Variants in FGD5 observed in about 807,000 individuals in gnomAD.
FGD5 encodes the protein FYVE, RhoGEF and PH domain containing 5.
FGD5 carries 28 observed loss-of-function variants against 133.4 expected under a neutral mutation model. The observed-to-expected ratio is 0.21, with a 90% CI of 0.16 to 0.29. The LOEUF is 0.29. Among genes scored for constraint, FGD5 ranks in the 10% least tolerant of loss-of-function variants. FGD5 has a pLI of 1.00. For missense variants in FGD5, 1,858 were observed against 1,895.2 expected (o/e 0.98, Z 0.36); for synonymous variants, 810 against 776.5 (o/e 1.04, Z -0.72).
In FGD5 at chr3:14,890,243, C is replaced by T. The variant is rs755271573; in HGVS notation, c.2749-7266C>T. Among the ~76,000 whole-genome samples, 11 of 152,316 alleles carry T rather than the reference C, an allele frequency of 7.2e-5. No homozygotes were observed. The South Asian group carries it at 1.2e-3, about 17-fold the overall frequency. On this transcript the variant is annotated intron_variant, in intron 4 of 19. Coordinates refer to ENST00000285046, the MANE Select transcript of FGD5 (RefSeq NM_152536.4). ...ACTGCCTCCTTGGAAGGCTTTCCCACGGCCAAGCCAGGTCTCCCTTCTCTG... is the reference window on the plus strand; with the variant it reads ...ACTGCCTCCTTGGAAGGCTTTCCCATGGCCAAGCCAGGTCTCCCTTCTCTG...
At chr3:14,847,658 C>T (rs1306483892) in intron 1 of FGD5, among the ~76,000 whole-genome samples, 1 of 152,184 alleles carries the variant, frequency 6.6e-6, no homozygotes, top group Admixed American at 6.5e-5. Flanking sequence ...GAAATTGAGG[C>T]ACAGAAAACT....
intron 4 of FGD5, among the ~76,000 whole-genome samples, chr3:14,894,068 T>C (rs561302375): frequency 6.6e-6 from 1 of 152,300 alleles, no homozygotes; most frequent in East Asian, 1.9e-4. Flanking sequence ...TTGTTTCTTT[T>C]ATCACAATGT....
At position 14,897,631 on chromosome 3, in the gene FGD5, A is replaced by G. The variant is rs369709099; in HGVS notation, c.2871A>G (p.Gln957=). The G allele has an allele frequency of 3.4e-5, 54 of 1,606,954 alleles. No individual in the cohort carries two copies. The Admixed American group carries it at 8.1e-4, about 24-fold the overall frequency. Reference sequence around the variant, plus strand: ...TCCCAGCCATCCACGACCTTCATCAAGGCATCCTGGAGGAGCTGGAGGAAA... The same window carrying G: ...TCCCAGCCATCCACGACCTTCATCAGGGCATCCTGGAGGAGCTGGAGGAAA... ...SELPAIHDLH[Q]GILEELEERL... Residue 957 remains glutamine, a synonymous_variant, in exon 5 of 20, where the codon CAA becomes CAG. Coordinates refer to ENST00000285046, the MANE Select transcript of FGD5 (RefSeq NM_152536.4).
At position 14,848,524 on chromosome 3, in the gene FGD5, C is replaced by T. The variant is rs537071785; in HGVS notation, c.2526-15604C>T. ...AAAAGGCCAGGCCAGCCCCATGCAGCCCTGGAACCCATGGGGTACAGGTTA... is the reference window on the plus strand; with the variant it reads ...AAAAGGCCAGGCCAGCCCCATGCAGTCCTGGAACCCATGGGGTACAGGTTA... On this transcript the variant is annotated intron_variant, in intron 1 of 19. Transcript: ENST00000285046. Among the ~76,000 whole-genome samples, 179 of 152,288 alleles carry T rather than the reference C, an allele frequency of 1.2e-3. No individual in the cohort carries two copies. The Middle Eastern group carries it at 0.024, about 20-fold the overall frequency.
At chr3:14,898,383 C>T (rs936442243) in intron 6 of FGD5, among the ~76,000 whole-genome samples, 5 of 152,160 alleles carry the variant, frequency 3.3e-5, no homozygotes, top group Admixed American at 2.6e-4. Flanking sequence ...GAGCCCCAGC[C>T]GTGGAGTGTT....
At chr3:14,889,701 A>G (rs2037989310) in intron 4 of FGD5, among the ~76,000 whole-genome samples, 1 of 152,032 alleles carries the variant, frequency 6.6e-6, no homozygotes, top group Non-Finnish European at 1.5e-5. Context: ...TCTTGCCAAC[A>G]TGTTGGTATT....
At chr3:14,867,843 C>G (rs1413176010) in intron 2 of FGD5, among the ~76,000 whole-genome samples, 2 of 152,214 alleles carry the variant, frequency 1.3e-5, no homozygotes, top group African/African-American at 4.8e-5. Context: ...GCAAGATTTT[C>G]TGTCTCCACC....
At chr3:14,866,181 A>G (rs17040422) in intron 2 of FGD5, among the ~76,000 whole-genome samples, 14,182 of 152,126 alleles carry the variant, frequency 0.093, 830 homozygotes, top group East Asian at 0.3. Flanking sequence ...TCTTCCGGCT[A>G]TGTCACTGCA....
At chr3:14,894,608 T>C (rs1269818878) in intron 4 of FGD5, among the ~76,000 whole-genome samples, 2 of 150,764 alleles carry the variant, frequency 1.3e-5, no homozygotes, top group Non-Finnish European at 3.0e-5. Flanking sequence ...ATTGACCTCC[T>C]GGGCTCAAGC....
intron 1 of FGD5, among the ~76,000 whole-genome samples, chr3:14,857,776 C>T (rs2037312499): frequency 6.6e-6 from 1 of 152,140 alleles, no homozygotes; most frequent in Admixed American, 6.5e-5. Context: ...CTTATTTCGT[C>T]TGTTGCTGTC....
At position 14,820,075 on chromosome 3, in the gene FGD5, T is replaced by A; in HGVS notation, c.1004T>A (p.Met335Lys). 6.2e-7 allele frequency: 1 copy of A among 1,614,040 alleles called. No homozygotes were observed. Among genetic ancestry groups the A allele is most frequent in the South Asian group, 1.1e-5 (1 of 91,086 alleles). Reference sequence around the variant, plus strand: ...ATTGTCCCTTTTGAGAATGACTGCATGGAGGACTTCGTGACTTCCCTCACA... The same window carrying A: ...ATTGTCCCTTTTGAGAATGACTGCAAGGAGGACTTCGTGACTTCCCTCACA... The part of the protein sequence containing the change: ...CQIVPFENDC[M>K]EDFVTSLTGS... Residue 335 changes from methionine to lysine, a missense_variant, in exon 1 of 20, where the codon ATG (methionine) becomes AAG (lysine). This residue lies in a region of FGD5 where 1,824 missense variants were observed against 1,848.9 expected (regional missense o/e 0.99). Transcript: ENST00000285046.
intron 4 of FGD5, among the ~76,000 whole-genome samples, chr3:14,895,797 A>G (rs906308705): frequency 1.1e-4 from 17 of 152,148 alleles, no homozygotes. Flanking sequence ...TCAAACTCCT[A>G]GGTGCAAGTG....
intron 2 of FGD5, among the ~76,000 whole-genome samples, chr3:14,870,296 G>C (rs953997171): frequency 6.6e-6 from 1 of 152,196 alleles, no homozygotes; most frequent in Non-Finnish European, 1.5e-5. Flanking sequence ...GGGAAAGAAG[G>C]GGAGCGGGAG....
upstream of FGD5, among the ~76,000 whole-genome samples, chr3:14,814,274 C>T (rs900227902): frequency 2.6e-5 from 4 of 152,298 alleles, no homozygotes; most frequent in South Asian, 4.1e-4. Context: ...CCTATAGTTT[C>T]GCCCTACCAT....
intron 2 of FGD5, among the ~76,000 whole-genome samples, chr3:14,866,616 T>C (rs1452882085): frequency 6.6e-6 from 1 of 152,214 alleles, no homozygotes; most frequent in African/African-American, 2.4e-5. Flanking sequence ...GTAGTAATAG[T>C]ACCTGCTTCA....
At chr3:14,877,115 C>G (rs1046151825) in intron 2 of FGD5, among the ~76,000 whole-genome samples, 16 of 152,264 alleles carry the variant, frequency 1.1e-4, no homozygotes, top group African/African-American at 3.4e-4. Context: ...GGGAGGAGCC[C>G]TGTTCCCAGA....
At chr3:14,852,181 A>G (rs1464703011) in intron 1 of FGD5, among the ~76,000 whole-genome samples, 1 of 152,256 alleles carries the variant, frequency 6.6e-6, no homozygotes, top group Non-Finnish European at 1.5e-5. Flanking sequence ...GATAGCCAAA[A>G]AGAAACAATT....
At chr3:14,832,981 AATTT>A (rs2036745633) in intron 1 of FGD5, among the ~76,000 whole-genome samples, 1 of 152,188 alleles carries the variant, frequency 6.6e-6, no homozygotes, top group African/African-American at 2.4e-5. Flanking sequence ...GCCCTTGGAG[AATTT>A]ATTATCCGTG....
intron 1 of FGD5, among the ~76,000 whole-genome samples, chr3:14,812,287 G>A (rs1382535395): frequency 6.6e-6 from 1 of 152,178 alleles, no homozygotes; most frequent in Non-Finnish European, 1.5e-5. Flanking sequence ...GAGGCCCAGA[G>A]CCCAGCCAGC....
Sources: allele counts gnomAD v4.1 joint callset (sites outside exome capture counted in the v4.1 genomes callset), GRCh38; gene constraint gnomAD v4.1.1; regional missense constraint gnomAD v4.1.1; transcripts MANE v1.5; gene names NCBI Gene and HGNC (gene_info 2026-07-23, HGNC 2026-07-21).